Variants in KIF26B observed in about 807,000 individuals in gnomAD.
KIF26B encodes kinesin-like protein KIF26B.
KIF26B carries 63 observed loss-of-function variants against 151.2 expected under a neutral mutation model. The observed-to-expected ratio is 0.42, with a 90% confidence interval of 0.34 to 0.51. The LOEUF (loss-of-function observed/expected upper bound fraction) is 0.51. Ranked by LOEUF, KIF26B falls within the 20% of genes least tolerant of loss-of-function variation. The pLI, the probability that KIF26B is intolerant of heterozygous loss-of-function variation, is 0.07. For missense variants in KIF26B, 2,813 were observed against 2,913.6 expected (o/e 0.97, Z 0.79); for synonymous variants, 1,357 against 1,262.1 (o/e 1.08, Z -1.59).
At chr1:245,407,233 C>T (rs186018279) in intron 3 of KIF26B, among the ~76,000 whole-genome samples, 8 of 152,238 alleles carry the variant, frequency 5.3e-5, no homozygotes, top group East Asian at 3.9e-4. Context: ...GGGGAAGAAC[C>T]GGGGCAGGGT....
intron 2 of KIF26B, among the ~76,000 whole-genome samples, chr1:245,290,402 GCA>G (rs1671236712): frequency 6.6e-6 from 1 of 152,208 alleles, no homozygotes; most frequent in African/African-American, 2.4e-5. Context: ...TATGGCTACT[GCA>G]CAGACAGATC....
intron 2 of KIF26B, among the ~76,000 whole-genome samples, chr1:245,357,813 A>C (rs1270428438): frequency 6.6e-6 from 1 of 152,220 alleles, no homozygotes; most frequent in African/African-American, 2.4e-5. Flanking sequence ...AGGTGGCCTG[A>C]AGAAAATTGT....
In KIF26B at chr1:245,597,074, CTT is replaced by C. The variant is rs2043342729; in HGVS notation, c.1351-5501_1351-5500del. Reference sequence around the variant, plus strand: ...TACAGCACCCTGATGGGTCTTGACTCTTTATCCAATTTGCCAGTCTATATCTT... The same window carrying C: ...TACAGCACCCTGATGGGTCTTGACTCTATCCAATTTGCCAGTCTATATCTT... On this transcript the variant is annotated intron_variant, in intron 5 of 14. Transcript: ENST00000407071. The surrounding 1 kb of genome is among the most constrained non-coding windows in gnomAD (Gnocchi z 4.6). 6.6e-6 allele frequency among the ~76,000 whole-genome samples: 1 copy of C among 152,154 alleles called. No homozygotes were observed. Among genetic ancestry groups the C allele is most frequent in the African/African-American group, 2.4e-5 (1 of 41,430 alleles).
intron 5 of KIF26B, among the ~76,000 whole-genome samples, chr1:245,567,377 C>T (rs1042057230): frequency 2.0e-5 from 3 of 152,162 alleles, no homozygotes; most frequent in Admixed American, 6.5e-5. Context: ...CAGTGATGGA[C>T]GAAGCTGTGC....
Position 245,530,316 on chromosome 1 carries a change from C to T in KIF26B, c.1167-10451C>T, listed in dbSNP as rs141594474. ...ACAATTGAACTACCACGCAATCTAG[C>T]AATGGTAGTACTGGGTATTTATCCA... On this transcript the variant is annotated intron_variant, in intron 4 of 14. Coordinates refer to ENST00000407071, the MANE Select transcript of KIF26B (RefSeq NM_018012.4). Among the ~76,000 whole-genome samples the T allele has an allele frequency of 5.4e-3, 821 of 152,256 alleles. 10 individuals are homozygous for T. The highest frequency in any genetic ancestry group is 0.019 in the African/African-American group (775 of 41,550).
intron 10 of KIF26B, among the ~76,000 whole-genome samples, chr1:245,669,021 T>C (rs965121453): frequency 3.3e-5 from 5 of 152,220 alleles, no homozygotes; most frequent in African/African-American, 1.2e-4. Flanking sequence ...CCACACATGA[T>C]ACCCAGAAGG....
At chr1:245,385,313 C>G (rs1361124914) in intron 3 of KIF26B, among the ~76,000 whole-genome samples, 1 of 152,116 alleles carries the variant, frequency 6.6e-6, no homozygotes, top group Non-Finnish European at 1.5e-5. Context: ...GGAAAATAGA[C>G]CAGTGCAACA....
intron 5 of KIF26B, among the ~76,000 whole-genome samples, chr1:245,587,600 G>A (rs73137644): frequency 0.024 from 3,657 of 152,246 alleles, 154 homozygotes; most frequent in African/African-American, 0.082. Context: ...GATGAACTGT[G>A]CACAGTGCCT....
chr1:245,485,415 GCT>G (rs1660258390), intron 4 of KIF26B, among the ~76,000 whole-genome samples: 1 of 126,164 alleles, frequency 7.9e-6, no homozygotes, highest in Non-Finnish European at 1.7e-5. Context: ...ACAAAGTTTC[GCT>G]CTGTCACCCA....
intron 4 of KIF26B, among the ~76,000 whole-genome samples, chr1:245,465,017 C>G (rs12354184): frequency 0.81 from 109,509 of 134,770 alleles, 44,898 homozygotes; most frequent in African/African-American, 0.89. Context: ...CTCACTCTGT[C>G]GCCCAGGCTG....
chr1:245,657,258 T>C (rs12023635), intron 10 of KIF26B, among the ~76,000 whole-genome samples: 88,688 of 151,874 alleles, frequency 0.58, 26,183 homozygotes, highest in Middle Eastern at 0.64. Flanking sequence ...AAACACCGCG[T>C]TGGTGTCTTT....
chr1:245,685,034 C>T (rs967918161), intron 11 of KIF26B, among the ~76,000 whole-genome samples: 2 of 142,958 alleles, frequency 1.4e-5, no homozygotes, highest in African/African-American at 5.2e-5. Flanking sequence ...GGGCCTTTTT[C>T]CCCCTTCTCT....
At chr1:245,322,789 A>G (rs1671915355) in intron 2 of KIF26B, among the ~76,000 whole-genome samples, 2 of 152,236 alleles carry the variant, frequency 1.3e-5, no homozygotes, top group Admixed American at 1.3e-4. Flanking sequence ...CAAAGTTGTT[A>G]AAAAGGTAAC....
At chr1:245,660,441 G>A (rs1558256217) in intron 10 of KIF26B, among the ~76,000 whole-genome samples, 1 of 150,484 alleles carries the variant, frequency 6.6e-6, no homozygotes, top group Non-Finnish European at 1.5e-5. Flanking sequence ...GCTCAACAGC[G>A]ATCCTCCCAC....
rs1409110402 is a variant in KIF26B at position 245,706,433 on chromosome 1, T to C, written c.*3827T>C. The C allele has an allele frequency of 2.0e-5, 3 of 152,182 alleles. No individual in the cohort carries two copies. The highest frequency in any genetic ancestry group is 4.4e-5 in the Non-Finnish European group (3 of 68,036). 9.4% of individuals were successfully genotyped at this position (152,182 alleles called of 1,614,324 possible). ...CGTCTATATCATTGGCCACTGCTGA[T>C]TATATTGAGTGTTTTTAGGTTTTTT... On this transcript the variant is annotated 3_prime_UTR_variant, in exon 15 of 15. Transcript: ENST00000407071.
chr1:245,419,875 G>T, intron 4 of KIF26B, 130 bp downstream of exon 4: 1 of 885,438 alleles, frequency 1.1e-6, no homozygotes, highest in Non-Finnish European at 1.8e-6. Flanking sequence ...TTAAGACAGA[G>T]TTTCTCAGCC....
intron 2 of KIF26B, among the ~76,000 whole-genome samples, chr1:245,265,895 A>T (rs1670737451): frequency 6.6e-6 from 1 of 152,198 alleles, no homozygotes. Flanking sequence ...GGCATGAGCC[A>T]CCCTGCCCGA....
chr1:245,511,260 T>G (rs933808316), intron 4 of KIF26B: 4 of 640,014 alleles, frequency 6.2e-6, no homozygotes, highest in Non-Finnish European at 1.1e-5. Context: ...TCAAAGAAGT[T>G]AGGAGGGTCC....
chr1:245,279,147 C>T (rs1670991185), intron 2 of KIF26B, among the ~76,000 whole-genome samples: 2 of 152,064 alleles, frequency 1.3e-5, no homozygotes, highest in Non-Finnish European at 2.9e-5. Context: ...AAGAAATGTG[C>T]TCCCAGGTAG....
Sources: allele counts gnomAD v4.1 joint callset (sites outside exome capture counted in the v4.1 genomes callset), GRCh38; gene constraint gnomAD v4.1.1; non-coding constraint Gnocchi (gnomAD v3.1); transcripts MANE v1.5; gene names NCBI Gene and HGNC (gene_info 2026-07-23, HGNC 2026-07-21).